EIF2AK3: variants seen among roughly 807,000 people sequenced by gnomAD.
The protein encoded by EIF2AK3 is eukaryotic translation initiation factor 2 alpha kinase 3.
Under a neutral mutation model 113.5 loss-of-function variants are expected in EIF2AK3, and 50 were observed. The ratio of observed to expected loss-of-function variants is 0.44; its 90% confidence interval spans 0.35 to 0.56. The LOEUF (loss-of-function observed/expected upper bound fraction) is 0.56. EIF2AK3 is among the 20% of genes least tolerant of loss of function. EIF2AK3 has a pLI of 0.00. For missense variants in EIF2AK3, 1,185 were observed against 1,378.0 expected, an observed-to-expected ratio of 0.86 and a Z score of 2.22; for synonymous variants, 448 against 495.4, an observed-to-expected ratio of 0.90 and a Z score of 1.27.
Position 88,557,923 on chromosome 2 carries a change from T to G in EIF2AK3, c.3164A>C (p.Gln1055Pro). The G allele has an allele frequency of 6.2e-7, 1 of 1,614,124 alleles. No homozygotes were observed. The highest frequency in any genetic ancestry group is 8.5e-7 in the Non-Finnish European group (1 of 1,179,970). Residue 1055 changes from glutamine (Q) to proline (P), a missense_variant, in exon 17 of 17, where the codon CAA becomes CCA. Gln to Pro is a moderately conservative substitution (Grantham distance 76). Transcript: ENST00000303236. Reference sequence around the variant, plus strand: ...CATGGGGGATGGAGAGAGCATGTCTTGAACCATCACGTACTGAAAATATAA... The same window carrying G: ...CATGGGGGATGGAGAGAGCATGTCTGGAACCATCACGTACTGAAAATATAA... Reference protein sequence around the residue: ...QKYPCEYVMVQDMLSPSPMER... With the variant: ...QKYPCEYVMVPDMLSPSPMER...
Position 88,570,315 on chromosome 2 carries a change from G to A in EIF2AK3, c.2985+559C>T, listed in dbSNP as rs567430065. On this transcript the variant is annotated intron_variant, in intron 14 of 16. Transcript: ENST00000303236. ...GCTTGTGAAGATCATTTGCCTGGTG[G>A]TGGCTGAGCATGCTCGCCTGATGCT... Among the ~76,000 whole-genome samples, 3 of 152,310 alleles carry A rather than the reference G, an allele frequency of 2.0e-5. No individual in the cohort carries two copies. The East Asian group carries it at 5.8e-4, about 29-fold the overall frequency.
At chr2:88,597,351 T>A (rs1164440722) in intron 2 of EIF2AK3, among the ~76,000 whole-genome samples, 1 of 152,224 alleles carries the variant, frequency 6.6e-6, no homozygotes, top group Admixed American at 6.5e-5. Context: ...CTTAATCTTC[T>A]ATGTATCTTC....
chr2:88,568,668 T>C (rs1344668243), intron 14 of EIF2AK3, among the ~76,000 whole-genome samples: 2 of 152,226 alleles, frequency 1.3e-5, no homozygotes, highest in African/African-American at 4.8e-5. Flanking sequence ...AACGACAGTA[T>C]GTACCCCATA....
chr2:88,627,420 C>G lies in EIF2AK3; in HGVS notation c.-146G>C. ...GGACAGCCAGCCGTGTTCCCCTGGCCACGTCTCAGCCCGGCCTCTGCCGCT... is the reference window on the plus strand; with the variant it reads ...GGACAGCCAGCCGTGTTCCCCTGGCGACGTCTCAGCCCGGCCTCTGCCGCT... On this transcript the variant is annotated 5_prime_UTR_variant, in exon 1 of 17. Coordinates refer to ENST00000303236, the MANE Select transcript of EIF2AK3 (RefSeq NM_004836.7). The G allele has an allele frequency of 9.6e-7, 1 of 1,038,252 alleles. No homozygotes were observed. The highest frequency in any genetic ancestry group is 1.3e-6 in the Non-Finnish European group (1 of 793,230). 64.3% of individuals were successfully genotyped at this position (1,038,252 alleles called of 1,614,324 possible).
intron 16 of EIF2AK3, 141 bp from the exon 17 acceptor site, chr2:88,558,077 T>C: frequency 2.6e-6 from 2 of 771,814 alleles, no homozygotes; most frequent in Admixed American, 2.1e-5. Context: ...CTGATACAAC[T>C]ACTCAGCTCT....
chr2:88,595,030 T>C (rs1376815440), intron 3 of EIF2AK3, among the ~76,000 whole-genome samples: 2 of 148,754 alleles, frequency 1.3e-5, no homozygotes, highest in African/African-American at 5.0e-5. Flanking sequence ...CTGTCTCTAC[T>C]AAGAATACAA....
At chr2:88,597,105 G>T (rs1675039369) in intron 2 of EIF2AK3, among the ~76,000 whole-genome samples, 1 of 152,164 alleles carries the variant, frequency 6.6e-6, no homozygotes, top group Non-Finnish European at 1.5e-5. Flanking sequence ...TCTTTAAAGG[G>T]ATACTTACTT....
At chr2:88,574,564 C>T in intron 13 of EIF2AK3, 102 bp downstream of exon 13, 1 of 1,401,692 alleles carries the variant, frequency 7.1e-7, no homozygotes, top group Non-Finnish European at 9.8e-7. Flanking sequence ...GATGCTTTTA[C>T]TCTCCCCAAC....
At chr2:88,579,400 T>TGAAACGTCTG in intron 11 of EIF2AK3, 118 bp downstream of exon 11, 1 of 1,384,062 alleles carries the variant, frequency 7.2e-7, no homozygotes, top group Non-Finnish European at 1.0e-6. Context: ...ACCTAAGATT[T>TGAAACGTCTG]GAAACGTCTG....
chr2:88,624,388 A>G (rs1675808428), intron 1 of EIF2AK3, among the ~76,000 whole-genome samples: 1 of 152,216 alleles, frequency 6.6e-6, no homozygotes, highest in South Asian at 2.1e-4. Context: ...TCAGTGAGGA[A>G]AGGAGGGATT....
At position 88,627,409 on chromosome 2, in the gene EIF2AK3, G is replaced by A. The variant is rs1675900480; in HGVS notation, c.-135C>T. 1.8e-6 allele frequency: 2 copies of A among 1,134,280 alleles called. No individual in the cohort carries two copies. The highest frequency in any genetic ancestry group is 2.3e-6 in the Non-Finnish European group (2 of 874,800). 70.3% of individuals were successfully genotyped at this position (1,134,280 alleles called of 1,614,324 possible). A position where few individuals can be genotyped will look rare whatever the true frequency, so the allele number is the denominator to read the frequency against. ...CCCGACGGCCTGGACAGCCAGCCGT[G>A]TTCCCCTGGCCACGTCTCAGCCCGG... On this transcript the variant is annotated 5_prime_UTR_variant, in exon 1 of 17. Transcript: ENST00000303236.
chr2:88,595,962 A>G (rs1012269639), intron 2 of EIF2AK3: 4 of 431,886 alleles, frequency 9.3e-6, no homozygotes, highest in African/African-American at 8.0e-5. Flanking sequence ...ATGGTAGGTG[A>G]GTTACCAAAA....
Position 88,557,912 on chromosome 2 carries a change from A to G in EIF2AK3, c.3175T>C (p.Ser1059Pro). ...CEYVMVQDML[S>P]PSPMERPEAI... is the part of the protein sequence containing the mutation. ...TCAGGTCGTTCCATGGGGGATGGAGAGAGCATGTCTTGAACCATCACGTAC... is the reference window on the plus strand; with the variant it reads ...TCAGGTCGTTCCATGGGGGATGGAGGGAGCATGTCTTGAACCATCACGTAC... The change falls in exon 17 of 17, where the codon TCT becomes CCT. Residue 1059 changes from serine to proline, a missense_variant. Physicochemically the swap from Ser to Pro is moderately conservative, Grantham distance 74. Transcript: ENST00000303236. 6.2e-7 allele frequency: 1 copy of G among 1,614,132 alleles called. No individual in the cohort carries two copies. The highest frequency in any genetic ancestry group is 8.5e-7 in the Non-Finnish European group (1 of 1,179,988).
At chr2:88,584,665 A>G (rs1203406019) in intron 9 of EIF2AK3, among the ~76,000 whole-genome samples, 2 of 152,156 alleles carry the variant, frequency 1.3e-5, no homozygotes, top group African/African-American at 4.8e-5. Flanking sequence ...TAACTCAGAA[A>G]TAAGAGGTTA....
At chr2:88,623,099 T>TA (rs1427783896) in intron 1 of EIF2AK3, among the ~76,000 whole-genome samples, 4 of 152,208 alleles carry the variant, frequency 2.6e-5, no homozygotes. Context: ...AACTAGTTCT[T>TA]TAGAACTTCT....
intron 14 of EIF2AK3, among the ~76,000 whole-genome samples, chr2:88,564,911 G>A (rs780348419): frequency 1.6e-4 from 25 of 152,060 alleles, no homozygotes; most frequent in African/African-American, 4.4e-4. Context: ...TTCCCAAGTC[G>A]TGAGCCTTCA....
At chr2:88,576,980 G>A (rs1488583625) in intron 11 of EIF2AK3, among the ~76,000 whole-genome samples, 2 of 151,200 alleles carry the variant, frequency 1.3e-5, no homozygotes, top group African/African-American at 4.9e-5. Flanking sequence ...AGTTAGCCTA[G>A]GTTATACTTT....
Position 88,627,008 on chromosome 2 carries a change from A to T in EIF2AK3, c.267T>A (p.Gly89=). The change falls in exon 1 of 17, where the codon GGT becomes GGA. Residue 89 remains glycine, a synonymous_variant. Coordinates refer to ENST00000303236, the MANE Select transcript of EIF2AK3 (RefSeq NM_004836.7). Reference sequence around the variant, plus strand: ...ACTCTGTCTCATCGTCTGGTTCCGGACCCCGAGGCTCCTGCTCTCCCGCGG... The same window carrying T: ...ACTCTGTCTCATCGTCTGGTTCCGGTCCCCGAGGCTCCTGCTCTCCCGCGG... ...PAAAGEQEPR[G]PEPDDETELR... 1 of 1,607,834 alleles carries T rather than the reference A, an allele frequency of 6.2e-7. No individual in the cohort carries two copies. Among genetic ancestry groups the T allele is most frequent in the Middle Eastern group, 1.7e-4 (1 of 5,806 alleles).
intron 12 of EIF2AK3, among the ~76,000 whole-genome samples, chr2:88,576,124 A>T (rs1674451013): frequency 6.6e-6 from 1 of 152,238 alleles, no homozygotes; most frequent in South Asian, 2.1e-4. Flanking sequence ...ACTAAATAAC[A>T]AACATTTTTA....
Sources: gnomAD v4.1 joint callset for allele counts (sites outside exome capture counted in the v4.1 genomes callset) on GRCh38, gnomAD v4.1.1 for gene constraint, MANE v1.5 for transcripts, NCBI Gene and HGNC (gene_info 2026-07-23, HGNC 2026-07-21) for gene names.